Variants in DDX10 observed in about 807,000 individuals in gnomAD.
DDX10 encodes probable ATP-dependent RNA helicase DDX10.
DDX10 carries 74 observed loss-of-function variants against 104.3 expected under a neutral mutation model. That is an observed-to-expected ratio of 0.71 (90% CI 0.59 to 0.86). DDX10 has a LOEUF of 0.86. DDX10 is among the 40% of genes least tolerant of loss of function. The pLI is 0.00. For synonymous variants in DDX10, 351 were observed against 353.4 expected (o/e 0.99, Z 0.08); for missense variants, 952 against 1,040.0 (o/e 0.92, Z 1.16).
chr11:108,931,538 A>C (rs1447272016), intron 17 of DDX10, among the ~76,000 whole-genome samples: 1 of 152,232 alleles, frequency 6.6e-6, no homozygotes, highest in Non-Finnish European at 1.5e-5. Flanking sequence ...TCATTTCAAC[A>C]TTAAACAGGG....
intron 13 of DDX10, among the ~76,000 whole-genome samples, chr11:108,734,805 G>T (rs1056465059): frequency 6.6e-6 from 1 of 152,148 alleles, no homozygotes; most frequent in Non-Finnish European, 1.5e-5. Context: ...CATGTGAATT[G>T]CCCTTTGAAC....
chr11:108,876,214 C>G (rs1360080659), intron 16 of DDX10, among the ~76,000 whole-genome samples: 1 of 152,054 alleles, frequency 6.6e-6, no homozygotes, highest in East Asian at 1.9e-4. Context: ...TGTGATTTGA[C>G]TCTTAGAGGA....
intron 13 of DDX10, among the ~76,000 whole-genome samples, chr11:108,814,756 T>G (rs1862233243): frequency 6.6e-6 from 1 of 152,208 alleles, no homozygotes; most frequent in Admixed American, 6.5e-5. Flanking sequence ...GGGGGAAGAT[T>G]ATAATACATC....
At chr11:108,732,823 G>A (rs539847454) in intron 13 of DDX10, among the ~76,000 whole-genome samples, 1 of 152,278 alleles carries the variant, frequency 6.6e-6, no homozygotes, top group East Asian at 1.9e-4. Context: ...TTAGATAAGA[G>A]CATGAACATA....
At position 108,918,035 on chromosome 11, in the gene DDX10, G is replaced by A. The variant is rs1471832820; in HGVS notation, c.2450+17G>A. 3 of 1,605,262 alleles carry A rather than the reference G, an allele frequency of 1.9e-6. No individual in the cohort carries two copies. The South Asian group carries it at 3.3e-5, about 18-fold the overall frequency. ...TAAAATAAGGTATGTTTTTACTATG[G>A]GTATGAAATACATACTTAGTACTCT... On this transcript the variant is annotated intron_variant, in intron 17 of 17. Transcript: ENST00000322536.
chr11:108,873,354 A>G (rs10890902), intron 16 of DDX10, among the ~76,000 whole-genome samples: 69,523 of 152,062 alleles, frequency 0.46, 19,377 homozygotes, highest in Non-Finnish European at 0.62. Flanking sequence ...TGGGAACAAA[A>G]GTTACAATCT....
At chr11:108,857,760 G>A (rs1862890083) in intron 16 of DDX10, among the ~76,000 whole-genome samples, 3 of 152,232 alleles carry the variant, frequency 2.0e-5, no homozygotes, top group Admixed American at 2.0e-4. Context: ...TGCTTTATAT[G>A]ACGCTGAAGC....
chr11:108,757,786 G>T (rs181400087), intron 13 of DDX10, among the ~76,000 whole-genome samples: 1 of 151,744 alleles, frequency 6.6e-6, no homozygotes, highest in Non-Finnish European at 1.5e-5. Context: ...CTGACCTTTG[G>T]TTCATTTTCT....
intron 9 of DDX10, among the ~76,000 whole-genome samples, chr11:108,699,062 A>G (rs76609347): frequency 0.042 from 6,442 of 152,208 alleles, 374 homozygotes; most frequent in African/African-American, 0.13. Context: ...TTTACTTAGT[A>G]TATTTTTACA....
intron 13 of DDX10, 25 bp from the exon 14 acceptor site, chr11:108,838,421 G>A (rs753384628): frequency 1.3e-6 from 2 of 1,595,404 alleles, no homozygotes; most frequent in Non-Finnish European, 1.7e-6. Context: ...CTAATCATCT[G>A]TGTTTTTTGT....
intron 15 of DDX10, among the ~76,000 whole-genome samples, chr11:108,842,977 T>C (rs1308659467): frequency 6.6e-6 from 1 of 152,234 alleles, no homozygotes; most frequent in African/African-American, 2.4e-5. Flanking sequence ...ATCCATGTCA[T>C]TGAATATTGT....
At chr11:108,800,166 G>C (rs1028440137) in intron 13 of DDX10, among the ~76,000 whole-genome samples, 2 of 151,378 alleles carry the variant, frequency 1.3e-5, no homozygotes, top group African/African-American at 4.9e-5. Flanking sequence ...CATCTTGACC[G>C]AGCGCGGTGG....
chr11:108,832,632 G>A (rs1862487986), intron 13 of DDX10, among the ~76,000 whole-genome samples: 1 of 152,124 alleles, frequency 6.6e-6, no homozygotes, highest in Non-Finnish European at 1.5e-5. Flanking sequence ...CTAGTTGATT[G>A]GCAACATAAA....
chr11:108,871,095 A>T (rs918091190), intron 16 of DDX10, among the ~76,000 whole-genome samples: 1 of 152,228 alleles, frequency 6.6e-6, no homozygotes, highest in Non-Finnish European at 1.5e-5. Context: ...ATTAGCACAC[A>T]TGGACAATCT....
At chr11:108,694,440 C>G (rs1436711480) in intron 9 of DDX10, among the ~76,000 whole-genome samples, 1 of 152,164 alleles carries the variant, frequency 6.6e-6, no homozygotes, top group Non-Finnish European at 1.5e-5. Context: ...GATTTGGAAT[C>G]ATAGATATCT....
chr11:108,696,379 G>T (rs1013097950), intron 9 of DDX10, among the ~76,000 whole-genome samples: 5 of 152,182 alleles, frequency 3.3e-5, no homozygotes, highest in Non-Finnish European at 5.9e-5. Flanking sequence ...GTTTCACCAT[G>T]TTGGCCAGGT....
At chr11:108,915,459 T>C (rs79367888) in intron 16 of DDX10, among the ~76,000 whole-genome samples, 68,143 of 148,926 alleles carry the variant, frequency 0.46, 18,521 homozygotes, top group Non-Finnish European at 0.61. Flanking sequence ...TTTTTTTTTT[T>C]TGTTTGTTTG....
chr11:108,683,761 CTATG>C (rs1425865266), intron 6 of DDX10, among the ~76,000 whole-genome samples: 1 of 152,086 alleles, frequency 6.6e-6, no homozygotes, highest in South Asian at 2.1e-4. Context: ...TTCACATGAA[CTATG>C]TGATTCTGAG....
intron 16 of DDX10, among the ~76,000 whole-genome samples, chr11:108,856,085 G>A (rs1222694465): frequency 9.2e-5 from 14 of 152,164 alleles, no homozygotes; most frequent in Non-Finnish European, 7.3e-5. Flanking sequence ...AAGTAGTGTT[G>A]AAGTTAGAGC....
Sources: gnomAD v4.1 joint callset for allele counts (sites outside exome capture counted in the v4.1 genomes callset) on GRCh38, gnomAD v4.1.1 for gene constraint, MANE v1.5 for transcripts, NCBI Gene and HGNC (gene_info 2026-07-23, HGNC 2026-07-21) for gene names.